The following RYR1 variants were observed in gnomAD, a reference collection of about 807,000 sequenced individuals.
RYR1 encodes ryanodine receptor 1.
Under a neutral mutation model 583.5 loss-of-function variants are expected in RYR1, and 342 were observed. That is an observed-to-expected ratio of 0.59 (90% CI 0.54 to 0.64). RYR1 has a LOEUF of 0.64. Among genes scored for constraint, RYR1 ranks in the 30% least tolerant of loss-of-function variants. The probability of loss-of-function intolerance (pLI) is 0.00; values close to 1 mark genes in which losing one functional copy is unlikely to be tolerated. For missense variants in RYR1, 6,032 were observed against 6,917.2 expected (o/e 0.87, Z 4.54); for synonymous variants, 2,791 against 2,822.5 (o/e 0.99, Z 0.35).
chr19:38,441,343 T>G (rs1164852263), intron 2 of RYR1, among the ~76,000 whole-genome samples: 2 of 150,712 alleles, frequency 1.3e-5, no homozygotes, highest in African/African-American at 4.9e-5. Context: ...TTTTTAAAAG[T>G]TTTTCAGGTA....
At position 38,586,581 on chromosome 19, in the gene RYR1, G is replaced by A. The variant is rs1268987632; in HGVS notation, c.15021+5G>A. On this transcript the variant is annotated splice_donor_5th_base_variant and intron_variant, in intron 105 of 105. Coordinates refer to ENST00000359596, the MANE Select transcript of RYR1 (RefSeq NM_000540.3). ...GAGACAGAACACACGGGTCAGGTAAGGGGGTGTTAATGGGAGGACAGTGGG... is the reference window on the plus strand; with the variant it reads ...GAGACAGAACACACGGGTCAGGTAAAGGGGTGTTAATGGGAGGACAGTGGG... 2 of 1,613,874 alleles carry A rather than the reference G, an allele frequency of 1.2e-6. No homozygotes were observed. The highest frequency in any genetic ancestry group is 1.7e-6 in the Non-Finnish European group (2 of 1,179,840).
intron 69 of RYR1, 79 bp downstream of exon 69, chr19:38,523,388 C>A: frequency 6.4e-7 from 1 of 1,558,962 alleles, no homozygotes; most frequent in Non-Finnish European, 8.8e-7. Context: ...GGCCTGTCCT[C>A]ACCCAGCCAG....
intron 16 of RYR1, among the ~76,000 whole-genome samples, chr19:38,456,360 C>A (rs920477313): frequency 1.3e-5 from 2 of 149,170 alleles, no homozygotes; most frequent in African/African-American, 5.0e-5. Flanking sequence ...CAGCTCACTG[C>A]AACCTCTGCT....
Position 38,507,946 on chromosome 19 carries a change from A to G in RYR1, c.8932+119A>G, listed in dbSNP as rs1229434248. 4.2e-6 allele frequency: 3 copies of G among 706,014 alleles called. No homozygotes were observed. In the East Asian group the frequency reaches 8.0e-5, roughly 19 times the overall value. The allele number at this position is 706,014 out of a possible 1,614,324, so 43.7% of individuals were successfully genotyped here. ...TCCGTCCTCCCCTTATCTGATGTTTATTGAGCTTCTACTATGTGCCAGACA... is the reference window on the plus strand; with the variant it reads ...TCCGTCCTCCCCTTATCTGATGTTTGTTGAGCTTCTACTATGTGCCAGACA... On this transcript the variant is annotated intron_variant, in intron 58 of 105. Coordinates refer to ENST00000359596, the MANE Select transcript of RYR1 (RefSeq NM_000540.3).
At chr19:38,521,706 A>G (rs564963590) in intron 67 of RYR1, among the ~76,000 whole-genome samples, 31 of 151,664 alleles carry the variant, frequency 2.0e-4, no homozygotes, top group South Asian at 1.7e-3. Flanking sequence ...CAAAAAAGAA[A>G]AAAAGAAAAT....
intron 102 of RYR1, among the ~76,000 whole-genome samples, chr19:38,585,577 G>A (rs1372755232): frequency 4.0e-5 from 6 of 151,470 alleles, no homozygotes; most frequent in East Asian, 1.9e-4. Flanking sequence ...AGGTTCAAGC[G>A]ATTCTTCTGC....
At chr19:38,563,790 A>G (rs1973260802) in intron 90 of RYR1, among the ~76,000 whole-genome samples, 3 of 152,192 alleles carry the variant, frequency 2.0e-5, no homozygotes, top group African/African-American at 4.8e-5. Flanking sequence ...TTTAAGCACT[A>G]TGCTCCTCCT....
At position 38,527,910 on chromosome 19, in the gene RYR1, G is replaced by C. The variant is rs558543933; in HGVS notation, c.10824+126G>C. ...GTTTTGGGGCAGGGCAGGAGGTGGA[G>C]CCTCGAGTTTAAGGCGAGGCTTAGA... On this transcript the variant is annotated intron_variant, in intron 73 of 105. Transcript: ENST00000359596. 3.6e-6 allele frequency: 4 copies of C among 1,123,126 alleles called. No individual in the cohort carries two copies. In the East Asian group the frequency reaches 8.1e-5, roughly 23 times the overall value. 69.6% of individuals were successfully genotyped at this position (1,123,126 alleles called of 1,614,324 possible).
chr19:38,550,837 T>G (rs2459634), intron 89 of RYR1, among the ~76,000 whole-genome samples: 54,684 of 151,798 alleles, frequency 0.36, 10,644 homozygotes, highest in South Asian at 0.51. Flanking sequence ...TCTGGGGTCA[T>G]CATCCATTGA....
At chr19:38,576,521 A>G (rs1973961976) in intron 97 of RYR1, among the ~76,000 whole-genome samples, 1 of 150,588 alleles carries the variant, frequency 6.6e-6, no homozygotes, top group Non-Finnish European at 1.5e-5. Flanking sequence ...CTCAAGAAAT[A>G]CTGGTTGAGG....
chr19:38,459,431 A>G (rs988998789), intron 19 of RYR1, 93 bp downstream of exon 19: 1 of 1,196,106 alleles, frequency 8.4e-7, no homozygotes, highest in Admixed American at 2.0e-5. Context: ...CCAGGAGGCC[A>G]GGACACTGCA....
Position 38,503,010 on chromosome 19 carries a change from C to T in RYR1, c.7926+40C>T, listed in dbSNP as rs775807519. 7 of 1,591,756 alleles carry T rather than the reference C, an allele frequency of 4.4e-6. No individual in the cohort carries two copies. The East Asian group carries it at 1.1e-4, about 25-fold the overall frequency. On this transcript the variant is annotated intron_variant, in intron 49 of 105. Transcript: ENST00000359596. ...TCTTTAGCATCTCATTTCCAGGCCGCACCCACTGGTTTGCTCTTCCCTCCT... is the reference window on the plus strand; with the variant it reads ...TCTTTAGCATCTCATTTCCAGGCCGTACCCACTGGTTTGCTCTTCCCTCCT...
chr19:38,489,489 G>A (rs747316744), intron 35 of RYR1, 46 bp downstream of exon 35: 40 of 1,609,798 alleles, frequency 2.5e-5, no homozygotes, highest in Admixed American at 1.2e-4. Flanking sequence ...ATCTGGGCTG[G>A]GAGACACAGG....
At chr19:38,537,433 C>G (rs141164060) in intron 83 of RYR1, among the ~76,000 whole-genome samples, 1 of 152,160 alleles carries the variant, frequency 6.6e-6, no homozygotes, top group East Asian at 1.9e-4. Context: ...ATCCCCATCC[C>G]TTATCCCTCC....
chr19:38,507,074 A>T, intron 57 of RYR1, 122 bp downstream of exon 57: 1 of 1,473,578 alleles, frequency 6.8e-7, no homozygotes, highest in Non-Finnish European at 9.1e-7. Flanking sequence ...CAAAGATGGA[A>T]CCAGAGGGGA....
intron 89 of RYR1, among the ~76,000 whole-genome samples, chr19:38,560,436 A>G (rs1291127956): frequency 6.6e-6 from 1 of 152,024 alleles, no homozygotes; most frequent in Non-Finnish European, 1.5e-5. Flanking sequence ...ATAACAGATA[A>G]AGAGTGTTAT....
At chr19:38,458,461 C>T (rs1385021121) in intron 18 of RYR1, among the ~76,000 whole-genome samples, 169 bp downstream of exon 18, 1 of 152,096 alleles carries the variant, frequency 6.6e-6, no homozygotes, top group East Asian at 1.9e-4. Context: ...TTCTAGATTC[C>T]CGGCTCTGAC....
chr19:38,535,262 T>A, intron 80 of RYR1, 42 bp downstream of exon 80: 1 of 1,610,930 alleles, frequency 6.2e-7, no homozygotes, highest in Non-Finnish European at 8.5e-7. Context: ...CAAGGAGGGA[T>A]GAGAGGTTCC....
chr19:38,463,574 G>A, intron 21 of RYR1, 47 bp downstream of exon 21: 1 of 1,579,948 alleles, frequency 6.3e-7, no homozygotes, highest in Non-Finnish European at 8.7e-7. Context: ...GACTTGCGGT[G>A]CCAGGAGGGA....
Sources: allele counts gnomAD v4.1 joint callset (sites outside exome capture counted in the v4.1 genomes callset), GRCh38; gene constraint gnomAD v4.1.1; transcripts MANE v1.5; gene names NCBI Gene and HGNC (gene_info 2026-07-23, HGNC 2026-07-21).